Variants in JAZF1 observed in about 807,000 individuals in gnomAD.
JAZF1 encodes the protein JAZF zinc finger 1.
Under a neutral mutation model 26.4 loss-of-function variants are expected in JAZF1, and 8 were observed. The observed-to-expected ratio is 0.30, with a 90% CI of 0.18 to 0.55. JAZF1 has a LOEUF of 0.55. JAZF1 is among the 20% of genes least tolerant of loss of function. The pLI is 0.94. For missense variants in JAZF1, 199 were observed against 322.0 expected (o/e 0.62, Z 2.92); for synonymous variants, 126 against 122.3 (o/e 1.03, Z -0.20).
intron 2 of JAZF1, among the ~76,000 whole-genome samples, chr7:27,930,833 T>TA (rs67053281): frequency 0.24 from 36,297 of 150,826 alleles, 5,133 homozygotes; most frequent in East Asian, 0.5. Context: ...CCATTTTTTT[T>TA]AAAAAAAAAA....
chr7:28,003,569 C>T (rs1213377442), intron 1 of JAZF1, among the ~76,000 whole-genome samples: 1 of 152,212 alleles, frequency 6.6e-6, no homozygotes, highest in Non-Finnish European at 1.5e-5. Flanking sequence ...CAACTTCCAT[C>T]ACCCAATACT....
intron 1 of JAZF1, among the ~76,000 whole-genome samples, chr7:28,001,351 C>T (rs1786155936): frequency 6.8e-6 from 1 of 146,456 alleles, no homozygotes; most frequent in African/African-American, 2.6e-5. Context: ...GACCCTGTCT[C>T]AAAAAAAACA....
intron 4 of JAZF1, among the ~76,000 whole-genome samples, chr7:27,834,601 A>G (rs1782770225): frequency 6.6e-6 from 1 of 152,212 alleles, no homozygotes; most frequent in Non-Finnish European, 1.5e-5. Flanking sequence ...CTACTGGGGC[A>G]GGAAAGGGGA....
intron 1 of JAZF1, among the ~76,000 whole-genome samples, chr7:28,136,939 G>T (rs1217930275): frequency 1.3e-5 from 2 of 152,232 alleles, no homozygotes; most frequent in Non-Finnish European, 2.9e-5. Flanking sequence ...GAGGCTCGCA[G>T]GAGATGAGGC....
At chr7:28,049,276 G>A (rs1235064931) in intron 1 of JAZF1, among the ~76,000 whole-genome samples, 1 of 151,594 alleles carries the variant, frequency 6.6e-6, no homozygotes, top group Non-Finnish European at 1.5e-5. Flanking sequence ...TAGAGACAGG[G>A]TTTCACCATA....
At chr7:28,021,629 T>G (rs1371961419) in intron 1 of JAZF1, among the ~76,000 whole-genome samples, 3 of 152,134 alleles carry the variant, frequency 2.0e-5, no homozygotes, top group African/African-American at 7.2e-5. Flanking sequence ...GACATGGTGG[T>G]GGGGCAGGGT....
At chr7:28,080,872 A>G (rs1474724722) in intron 1 of JAZF1, among the ~76,000 whole-genome samples, 1 of 152,162 alleles carries the variant, frequency 6.6e-6, no homozygotes, top group Non-Finnish European at 1.5e-5. Flanking sequence ...CCAAAATGTG[A>G]CACAGAGACA....
At chr7:28,000,622 C>CTTTTTTTTTTTTTT (rs1190147547) in intron 1 of JAZF1, among the ~76,000 whole-genome samples, 1 of 62,070 alleles carries the variant, frequency 1.6e-5, no homozygotes, top group African/African-American at 4.1e-5. Context: ...TTCTTTCTTT[C>CTTTTTTTTTTTTTT]TTTTTTTTTT....
chr7:27,856,036 C>G (rs1262690950), intron 3 of JAZF1, among the ~76,000 whole-genome samples: 1 of 152,226 alleles, frequency 6.6e-6, no homozygotes, highest in Non-Finnish European at 1.5e-5. Context: ...GGCTTCATCC[C>G]TGGGATGCAA....
intron 1 of JAZF1, among the ~76,000 whole-genome samples, chr7:28,025,505 C>T (rs868745054): frequency 4.6e-5 from 6 of 131,842 alleles, no homozygotes; most frequent in Non-Finnish European, 6.7e-5. Context: ...TCTTCAAACC[C>T]AGTTCTGACT....
At chr7:27,851,736 A>C (rs764473708) in intron 3 of JAZF1, among the ~76,000 whole-genome samples, 8 of 152,190 alleles carry the variant, frequency 5.3e-5, no homozygotes, top group Non-Finnish European at 1.0e-4. Context: ...AATGATCACA[A>C]TGACTACCAA....
chr7:28,122,039 C>T (rs1782614263), intron 1 of JAZF1, among the ~76,000 whole-genome samples: 1 of 152,176 alleles, frequency 6.6e-6, no homozygotes, highest in East Asian at 1.9e-4. Context: ...AGTATAGAGA[C>T]TTTCTACCTA....
chr7:28,115,719 C>A (rs1286282234), intron 1 of JAZF1, among the ~76,000 whole-genome samples: 1 of 152,090 alleles, frequency 6.6e-6, no homozygotes, highest in Non-Finnish European at 1.5e-5. Context: ...TTGCCCCCTG[C>A]CTCTTCCTGC....
intron 2 of JAZF1, among the ~76,000 whole-genome samples, chr7:27,962,219 TACAC>T (rs939151960): frequency 3.9e-5 from 6 of 152,180 alleles, no homozygotes; most frequent in African/African-American, 1.4e-4. Context: ...CAAGAGGAAA[TACAC>T]ATAGGTAAGA....
intron 2 of JAZF1, among the ~76,000 whole-genome samples, chr7:27,903,275 C>G (rs991870226): frequency 6.6e-6 from 1 of 152,150 alleles, no homozygotes; most frequent in African/African-American, 2.4e-5. Context: ...GTAGCATGAT[C>G]ATGGCTCACT....
At chr7:28,140,600 T>C (rs1046424425) in intron 1 of JAZF1, among the ~76,000 whole-genome samples, 4 of 151,896 alleles carry the variant, frequency 2.6e-5, no homozygotes, top group Admixed American at 6.6e-5. Flanking sequence ...TAAAAAATTC[T>C]ACAGGAGATT....
At chr7:28,042,176 A>G (rs1369457301) in intron 1 of JAZF1, among the ~76,000 whole-genome samples, 1 of 152,224 alleles carries the variant, frequency 6.6e-6, no homozygotes, top group Non-Finnish European at 1.5e-5. Context: ...CAATATTTCA[A>G]AGAGATGGAG....
rs554464709 is a variant in JAZF1 at position 28,062,922 on chromosome 7, T to G, written c.116-70941A>C. On this transcript the variant is annotated intron_variant, in intron 1 of 4. Transcript: ENST00000283928. ...ATAGTCATCTACTCTTTCCTCATCA[T>G]ACACCACTTACTCTATCCATTAAAA... Among the ~76,000 whole-genome samples the G allele has an allele frequency of 9.6e-4, 146 of 152,344 alleles. No individual in the cohort carries two copies. The Middle Eastern group carries it at 0.017, about 18-fold the overall frequency.
In JAZF1 at chr7:28,120,928, GGTGGCTCA is replaced by G. The variant is rs1782592167; in HGVS notation, c.115+59527_115+59534del. ...GAAATCCAGGGGTTCCACTGGGCAT[GGTGGCTCA>G]CACCTGTAATCCCAGTACTTTGGGA... On this transcript the variant is annotated intron_variant, in intron 1 of 4. Coordinates refer to ENST00000283928, the MANE Select transcript of JAZF1 (RefSeq NM_175061.4). Among the ~76,000 whole-genome samples, 5 of 152,178 alleles carry G rather than the reference GGTGGCTCA, an allele frequency of 3.3e-5. No individual in the cohort carries two copies. The South Asian group carries it at 1.0e-3, about 32-fold the overall frequency.
Sources: gnomAD v4.1 joint callset for allele counts (sites outside exome capture counted in the v4.1 genomes callset) on GRCh38, gnomAD v4.1.1 for gene constraint, MANE v1.5 for transcripts, NCBI Gene and HGNC (gene_info 2026-07-23, HGNC 2026-07-21) for gene names.